UNC13C: variants seen among roughly 807,000 people sequenced by gnomAD.
The protein encoded by UNC13C is protein unc-13 homolog C.
Under a neutral mutation model 245.4 loss-of-function variants are expected in UNC13C, and 174 were observed. The observed-to-expected ratio is 0.71, with a 90% CI of 0.63 to 0.80. The LOEUF is 0.80. UNC13C is among the 30% of genes least tolerant of loss of function. The pLI is 0.00. For missense variants in UNC13C, 2,829 were observed against 2,602.9 expected (o/e 1.09, Z -1.89); for synonymous variants, 992 against 895.1 (o/e 1.11, Z -1.93).
rs765240115 is a variant in UNC13C at position 54,147,196 on chromosome 15, C to G, written c.3071+3512C>G. Among the ~76,000 whole-genome samples the G allele has an allele frequency of 2.7e-5, 4 of 150,036 alleles. No homozygotes were observed. The Admixed American group carries it at 2.7e-4, about 10-fold the overall frequency. On this transcript the variant is annotated intron_variant, in intron 4 of 32. Coordinates refer to ENST00000260323, the MANE Select transcript of UNC13C (RefSeq NM_001080534.3). Reference sequence around the variant, plus strand: ...AGTGATACATGCCCATGGCAGCTACCGAGCATCAATTTGATGAAACTACCT... The same window carrying G: ...AGTGATACATGCCCATGGCAGCTACGGAGCATCAATTTGATGAAACTACCT...
At chr15:54,431,267 G>A (rs1052264239) in intron 19 of UNC13C, among the ~76,000 whole-genome samples, 3 of 151,476 alleles carry the variant, frequency 2.0e-5, no homozygotes, top group East Asian at 1.9e-4. Flanking sequence ...ATATTGTGTC[G>A]CCATATTGGG....
chr15:54,027,494 C>A (rs1282155028), intron 2 of UNC13C, among the ~76,000 whole-genome samples: 1 of 152,300 alleles, frequency 6.6e-6, no homozygotes, highest in East Asian at 1.9e-4. Context: ...CTCAGCTTCC[C>A]AAGTAGCTGG....
At chr15:54,035,284 G>A (rs1039611004) in intron 2 of UNC13C, among the ~76,000 whole-genome samples, 1 of 151,952 alleles carries the variant, frequency 6.6e-6, no homozygotes, top group Non-Finnish European at 1.5e-5. Flanking sequence ...AAAATCCAAA[G>A]TGCAGAATAG....
chr15:54,256,049 G>A (rs2036271363), intron 8 of UNC13C, among the ~76,000 whole-genome samples: 1 of 152,110 alleles, frequency 6.6e-6, no homozygotes, highest in African/African-American at 2.4e-5. Context: ...TTTTTTCATA[G>A]TATTGAGCTA....
intron 2 of UNC13C, among the ~76,000 whole-genome samples, chr15:54,066,007 C>T (rs944148287): frequency 6.6e-6 from 1 of 152,180 alleles, no homozygotes; most frequent in African/African-American, 2.4e-5. Flanking sequence ...AGCATGAACA[C>T]CTATGCAAAA....
intron 17 of UNC13C, among the ~76,000 whole-genome samples, chr15:54,360,631 T>G (rs2039209316): frequency 6.6e-6 from 1 of 152,116 alleles, no homozygotes; most frequent in Non-Finnish European, 1.5e-5. Flanking sequence ...AGAACTCACC[T>G]TAGCATTTTT....
At chr15:53,894,626 G>T in the UNC13C span, among the ~76,000 whole-genome samples, 2 of 152,142 alleles carry the variant, frequency 1.3e-5, no homozygotes, top group African/African-American at 2.4e-5. Context: ...GAAGACAATT[G>T]TTGAGAGACC....
upstream of UNC13C, among the ~76,000 whole-genome samples, chr15:53,977,209 A>G (rs1264235285): frequency 6.6e-6 from 1 of 152,148 alleles, no homozygotes; most frequent in Non-Finnish European, 1.5e-5. Context: ...GGGAATGGGG[A>G]GGGCTCAGCT....
At position 54,491,206 on chromosome 15, in the gene UNC13C, G is replaced by A. The variant is rs570678356; in HGVS notation, c.4934-3402G>A. 4.6e-5 allele frequency among the ~76,000 whole-genome samples: 7 copies of A among 152,192 alleles called. No homozygotes were observed. The East Asian group carries it at 1.4e-3, about 29-fold the overall frequency. ...TTCTCTTCATGTACAAATGCTCTTG[G>A]AAGAAATAACACATTAATTCAGGCT... On this transcript the variant is annotated intron_variant, in intron 19 of 32. Coordinates refer to ENST00000260323, the MANE Select transcript of UNC13C (RefSeq NM_001080534.3).
At chr15:54,216,179 G>A (rs768238956) in intron 4 of UNC13C, among the ~76,000 whole-genome samples, 23 of 151,934 alleles carry the variant, frequency 1.5e-4, no homozygotes, top group East Asian at 5.8e-4. Context: ...GGACTGCAGC[G>A]AAAGCCTGGA....
intron 22 of UNC13C, among the ~76,000 whole-genome samples, chr15:54,504,926 C>T (rs920500379): frequency 5.9e-5 from 9 of 152,270 alleles, no homozygotes; most frequent in African/African-American, 2.2e-4. Flanking sequence ...CCACTCAATG[C>T]TCCACCAGTA....
chr15:54,421,705 T>C (rs992399715), intron 19 of UNC13C, among the ~76,000 whole-genome samples: 1 of 152,124 alleles, frequency 6.6e-6, no homozygotes. Flanking sequence ...TATAGACATC[T>C]CATTGTTCTT....
chr15:54,435,369 A>G (rs1016875945), intron 19 of UNC13C, among the ~76,000 whole-genome samples: 3 of 152,158 alleles, frequency 2.0e-5, no homozygotes, highest in African/African-American at 7.2e-5. Context: ...AAAATGTGGC[A>G]CATATACACC....
At chr15:54,424,647 G>A (rs1567260490) in intron 19 of UNC13C, among the ~76,000 whole-genome samples, 2 of 151,682 alleles carry the variant, frequency 1.3e-5, no homozygotes, top group African/African-American at 4.8e-5. Flanking sequence ...ATGGTTTGTG[G>A]TGAGTAACTT....
chr15:53,932,895 T>C, the UNC13C span, among the ~76,000 whole-genome samples: 2 of 152,186 alleles, frequency 1.3e-5, no homozygotes, highest in African/African-American at 4.8e-5. Context: ...AATTTTATAA[T>C]TAAACATGCC....
At chr15:54,476,000 C>A (rs1377787104) in intron 19 of UNC13C, among the ~76,000 whole-genome samples, 1 of 115,938 alleles carries the variant, frequency 8.6e-6, no homozygotes, top group Non-Finnish European at 1.8e-5. Flanking sequence ...GATTGCCATT[C>A]TAACTGGCGT....
At chr15:53,862,805 T>C in the UNC13C span, among the ~76,000 whole-genome samples, 1 of 151,808 alleles carries the variant, frequency 6.6e-6, no homozygotes, top group Non-Finnish European at 1.5e-5. Flanking sequence ...ACTCCATCTG[T>C]AAGTAACATC....
At chr15:54,288,865 T>C (rs936555983) in intron 10 of UNC13C, among the ~76,000 whole-genome samples, 10 of 152,052 alleles carry the variant, frequency 6.6e-5, no homozygotes, top group African/African-American at 2.4e-4. Context: ...TCTGTTCTGA[T>C]CAATTCATCT....
chr15:54,208,332 G>A (rs2034778939), intron 4 of UNC13C, among the ~76,000 whole-genome samples: 1 of 152,068 alleles, frequency 6.6e-6, no homozygotes, highest in Non-Finnish European at 1.5e-5. Context: ...GAGATTTTGA[G>A]GGGTCCAATA....
Sources: gnomAD v4.1 joint callset for allele counts (sites outside exome capture counted in the v4.1 genomes callset) on GRCh38, gnomAD v4.1.1 for gene constraint, MANE v1.5 for transcripts, NCBI Gene and HGNC (gene_info 2026-07-23, HGNC 2026-07-21) for gene names.